The following RALGAPA1 variants were observed in gnomAD, a reference collection of about 807,000 sequenced individuals.
RALGAPA1 encodes ral GTPase-activating protein subunit alpha-1.
In RALGAPA1, 52 loss-of-function variants were observed where a neutral mutation model predicts 269.6. The observed-to-expected ratio is 0.19, with a 90% CI of 0.15 to 0.24. RALGAPA1 has a LOEUF of 0.24. RALGAPA1 is among the 10% of genes least tolerant of loss of function. The probability of loss-of-function intolerance (pLI) is 1.00; values close to 1 mark genes in which losing one functional copy is unlikely to be tolerated. For synonymous variants in RALGAPA1, 817 were observed against 1,008.3 expected (o/e 0.81, Z 3.60); for missense variants, 1,917 against 3,013.9 (o/e 0.64, Z 8.52).
chr14:35,577,338 T>G (rs1003833945), intron 37 of RALGAPA1, among the ~76,000 whole-genome samples: 1 of 152,114 alleles, frequency 6.6e-6, no homozygotes, highest in Non-Finnish European at 1.5e-5. Flanking sequence ...GGTAGGGAAC[T>G]CTGGGAGGTG....
At chr14:35,588,989 T>G (rs1256129731) in intron 37 of RALGAPA1, among the ~76,000 whole-genome samples, 2 of 152,158 alleles carry the variant, frequency 1.3e-5, no homozygotes, top group African/African-American at 2.4e-5. Context: ...TTATGTTAGG[T>G]AAATTAAGCC....
chr14:35,742,654 G>A, intron 10 of RALGAPA1, 89 bp from the exon 11 acceptor site: 1 of 923,086 alleles, frequency 1.1e-6, no homozygotes, highest in Non-Finnish European at 1.7e-6. Flanking sequence ...TCACATCATA[G>A]ATTCTTGGAA....
intron 4 of RALGAPA1, among the ~76,000 whole-genome samples, chr14:35,768,071 GT>G (rs200008029): frequency 0.04 from 6,156 of 152,036 alleles, 353 homozygotes; most frequent in African/African-American, 0.12. Flanking sequence ...CACCACATCT[GT>G]CCTTATTTTC....
intron 11 of RALGAPA1, 40 bp from the exon 12 acceptor site, chr14:35,738,690 G>A: frequency 6.5e-7 from 1 of 1,540,942 alleles, no homozygotes; most frequent in South Asian, 1.2e-5. Flanking sequence ...TCATTACTAA[G>A]AATGCTGCAA....
At chr14:35,734,854 G>GA (rs1156654245) in intron 12 of RALGAPA1, among the ~76,000 whole-genome samples, 2 of 151,000 alleles carry the variant, frequency 1.3e-5, no homozygotes, top group South Asian at 2.1e-4. Context: ...AAATCAGTAA[G>GA]AAAAAAAACA....
At chr14:35,687,204 C>G (rs775820129) in intron 18 of RALGAPA1, among the ~76,000 whole-genome samples, 8 of 152,076 alleles carry the variant, frequency 5.3e-5, no homozygotes, top group African/African-American at 1.7e-4. Flanking sequence ...AAATGTTTTT[C>G]TTACCAAAAA....
At chr14:35,713,318 G>A (rs902182684) in intron 16 of RALGAPA1, among the ~76,000 whole-genome samples, 1 of 152,146 alleles carries the variant, frequency 6.6e-6, no homozygotes, top group Non-Finnish European at 1.5e-5. Flanking sequence ...AGAGTTTGGG[G>A]ATATAGGAGA....
chr14:35,556,940 C>T (rs1487126529), intron 39 of RALGAPA1, among the ~76,000 whole-genome samples: 1 of 152,022 alleles, frequency 6.6e-6, no homozygotes, highest in Admixed American at 6.6e-5. Flanking sequence ...AAGCCCAATT[C>T]CACCAAAGTT....
chr14:35,742,657 T>C, intron 10 of RALGAPA1, 92 bp from the exon 11 acceptor site: 1 of 878,038 alleles, frequency 1.1e-6, no homozygotes. Flanking sequence ...CATCATAGAT[T>C]CTTGGAAACT....
In RALGAPA1 at chr14:35,627,336, C is replaced by A; in HGVS notation, c.6611G>T (p.Arg2204Ile). Reference sequence around the variant, plus strand: ...AGGAATATTAAGTGAGATTCCAGTTCTCTGTAAGCATTCAGGACTAGTAAC... The same window carrying A: ...AGGAATATTAAGTGAGATTCCAGTTATCTGTAAGCATTCAGGACTAGTAAC... ...LGVTSPECLQ[R>I]TGISLNIPAP... Residue 2204 changes from arginine to isoleucine, a missense_variant, in exon 34 of 42, where the codon AGA becomes ATA. Arg to Ile is a moderately conservative substitution (Grantham distance 97). Transcript: ENST00000680220. 6.2e-7 allele frequency: 1 copy of A among 1,611,334 alleles called. No individual in the cohort carries two copies. Among genetic ancestry groups the A allele is most frequent in the Non-Finnish European group, 8.5e-7 (1 of 1,179,452 alleles).
intron 16 of RALGAPA1, 34 bp from the exon 17 acceptor site, chr14:35,700,336 A>G (rs1244742850): frequency 2.7e-6 from 4 of 1,478,138 alleles, no homozygotes; most frequent in Admixed American, 2.6e-5. Context: ...GTGGGGAAGG[A>G]AAAAAGAAGA....
chr14:35,667,397 A>AAAC lies in RALGAPA1; in HGVS notation c.5203-2633_5203-2631dup, dbSNP rs545535807. 5.5e-3 allele frequency among the ~76,000 whole-genome samples: 831 copies of AAAC among 152,170 alleles called. 6 individuals are homozygous for AAAC. The highest frequency in any genetic ancestry group is 0.01 in the Middle Eastern group (3 of 294). ...TAGCGACAGAGCGAGACTCCATCTC[A>AAAC]AACAACAACAACAACAACAAAACTT... is the stretch of plus-strand genomic sequence containing the variant. On this transcript the variant is annotated intron_variant, in intron 26 of 41. Coordinates refer to ENST00000680220, the MANE Select transcript of RALGAPA1 (RefSeq NM_001346249.2).
At chr14:35,635,329 G>GCACT (rs2061600898) in intron 32 of RALGAPA1, 135 bp downstream of exon 32, 1 of 977,750 alleles carries the variant, frequency 1.0e-6, no homozygotes, top group Non-Finnish European at 1.4e-6. Context: ...TTACCCTTAG[G>GCACT]CACTGTAAGC....
chr14:35,748,887 T>C lies in RALGAPA1; in HGVS notation c.1012-63A>G, dbSNP rs557617827. ...ATCATAATCATTTAACTATGTATTT[T>C]GTCTTTTAATAGGTAATACTGACAA... On this transcript the variant is annotated intron_variant, in intron 9 of 41. Coordinates refer to ENST00000680220, the MANE Select transcript of RALGAPA1 (RefSeq NM_001346249.2). 307 of 1,489,908 alleles carry C rather than the reference T, an allele frequency of 2.1e-4. 1 individual carries two copies. The South Asian group carries it at 4.2e-3, about 20-fold the overall frequency. 92.3% of individuals were successfully genotyped at this position (1,489,908 alleles called of 1,614,324 possible).
At chr14:35,768,460 T>C (rs1567191084) in intron 4 of RALGAPA1, among the ~76,000 whole-genome samples, 1 of 151,442 alleles carries the variant, frequency 6.6e-6, no homozygotes, top group Non-Finnish European at 1.5e-5. Flanking sequence ...GAGGTTGGGG[T>C]AGGAGGATGG....
Position 35,596,000 on chromosome 14 carries a change from G to C in RALGAPA1, c.7054-211C>G, listed in dbSNP as rs540266476. Among the ~76,000 whole-genome samples the C allele has an allele frequency of 2.6e-5, 4 of 152,144 alleles. No homozygotes were observed. In the South Asian group the frequency reaches 8.3e-4, roughly 32 times the overall value. Reference sequence around the variant, plus strand: ...TTTCTAATTAGTAGGAGTTAACCAGGAAAGGTATCAACTGCTGTGTACTAT... The same window carrying C: ...TTTCTAATTAGTAGGAGTTAACCAGCAAAGGTATCAACTGCTGTGTACTAT... On this transcript the variant is annotated intron_variant, in intron 36 of 41. Transcript: ENST00000680220.
chr14:35,765,840 T>C (rs1259251749), intron 4 of RALGAPA1: 5 of 652,552 alleles, frequency 7.7e-6, no homozygotes, highest in Non-Finnish European at 1.1e-5. Flanking sequence ...TGAAAGGTAA[T>C]GCTATAGTAG....
chr14:35,715,467 AT>A (rs1219621640), intron 16 of RALGAPA1, among the ~76,000 whole-genome samples: 2 of 151,858 alleles, frequency 1.3e-5, no homozygotes, highest in Non-Finnish European at 2.9e-5. Flanking sequence ...CTGGTTATTT[AT>A]TTATTTATTC....
intron 41 of RALGAPA1, chr14:35,541,844 G>C (rs1047936304): frequency 2.2e-6 from 1 of 460,056 alleles, no homozygotes; most frequent in Non-Finnish European, 4.3e-6. Context: ...AAGCAGAAGT[G>C]AGAAAGCAAA....
Sources: gnomAD v4.1 joint callset for allele counts (sites outside exome capture counted in the v4.1 genomes callset) on GRCh38, gnomAD v4.1.1 for gene constraint, MANE v1.5 for transcripts, NCBI Gene and HGNC (gene_info 2026-07-23, HGNC 2026-07-21) for gene names.